The following AQP7 variants were observed in gnomAD, a reference collection of about 807,000 sequenced individuals.
The protein encoded by AQP7 is aquaporin-7.
Under a neutral mutation model 26.1 loss-of-function variants are expected in AQP7, and 22 were observed. The ratio of observed to expected loss-of-function variants is 0.84; its 90% confidence interval spans 0.60 to 1.20. AQP7 has a LOEUF of 1.20. Among genes scored for constraint, AQP7 ranks in the 50% most tolerant of loss-of-function variants. The pLI is 0.00. For missense variants in AQP7, 412 were observed against 457.5 expected (o/e 0.90, Z 0.91); for synonymous variants, 167 against 181.7 (o/e 0.92, Z 0.65).
chr9:33,398,714 G>A (rs555181100), intron 2 of AQP7, among the ~76,000 whole-genome samples: 1 of 152,228 alleles, frequency 6.6e-6, no homozygotes, highest in East Asian at 1.9e-4. Flanking sequence ...TGGGTGGGAT[G>A]GCCAGTGAGG....
chr9:33,394,097 A>G (rs1306735378), intron 3 of AQP7: 1 of 152,214 alleles, frequency 6.6e-6, no homozygotes, highest in East Asian at 1.9e-4. Flanking sequence ...GTGTTTAACT[A>G]TCTCCTGGAT....
intron 1 of AQP7, chr9:33,401,780 C>T (rs1471151673): frequency 1.8e-5 from 3 of 165,574 alleles, no homozygotes; most frequent in Non-Finnish European, 2.6e-5. Flanking sequence ...CCCAAAAATT[C>T]CCCTTTGTAC....
chr9:33,399,037 A>T (rs1425333802), intron 2 of AQP7, among the ~76,000 whole-genome samples: 1 of 148,706 alleles, frequency 6.7e-6, no homozygotes, highest in Non-Finnish European at 1.5e-5. Flanking sequence ...GTGGTGGCAC[A>T]GTCACAGCTC....
intron 2 of AQP7, among the ~76,000 whole-genome samples, chr9:33,396,225 G>A (rs138917677): frequency 0.079 from 12,003 of 152,118 alleles, 608 homozygotes; most frequent in Admixed American, 0.11. Flanking sequence ...ATCACCTGAG[G>A]TCGGGAGTTC....
At chr9:33,399,905 G>A (rs1489959996) in intron 2 of AQP7, among the ~76,000 whole-genome samples, 1 of 152,158 alleles carries the variant, frequency 6.6e-6, no homozygotes, top group African/African-American at 2.4e-5. Flanking sequence ...ATTGGTGACT[G>A]GATGTGAGAC....
rs1134384 is a variant in AQP7, at chr9:33,383,273, A to G, written c.*1732T>C. 1 of 152,240 alleles carries G rather than the reference A, an allele frequency of 6.6e-6. No homozygotes were observed. Among genetic ancestry groups the G allele is most frequent in the Non-Finnish European group, 1.5e-5 (1 of 68,040 alleles). The allele number at this position is 152,240 out of a possible 1,614,324, so 9.4% of individuals were successfully genotyped here. ...TTATCGCCATTTTACAAATAAGAAGACCAAGGCCCAGAAGGGTTGAATATC... is the reference window on the plus strand; with the variant it reads ...TTATCGCCATTTTACAAATAAGAAGGCCAAGGCCCAGAAGGGTTGAATATC... On this transcript the variant is annotated 3_prime_UTR_variant, in exon 8 of 8. Transcript: ENST00000297988.
At chr9:33,386,825 G>A (rs775707462) in intron 4 of AQP7, 144 bp downstream of exon 4, 86 of 1,223,522 alleles carry the variant, frequency 7.0e-5, no homozygotes, top group East Asian at 2.0e-4. Context: ...TCATAGGCAC[G>A]GGGTTCAGAG....
rs1292642224 is a variant in AQP7 at position 33,383,318 on chromosome 9, T to G, written c.*1687A>C. 6.6e-6 allele frequency: 1 copy of G among 152,126 alleles called. No homozygotes were observed. The highest frequency in any genetic ancestry group is 1.9e-4 in the East Asian group (1 of 5,200). The allele number at this position is 152,126 out of a possible 1,614,324, so 9.4% of individuals were successfully genotyped here. ...AATATCTTGCTCAAGATCACACACATTTTGCCACCCCCCATTCCAAGTCCC... is the reference window on the plus strand; with the variant it reads ...AATATCTTGCTCAAGATCACACACAGTTTGCCACCCCCCATTCCAAGTCCC... On this transcript the variant is annotated 3_prime_UTR_variant, in exon 8 of 8. Coordinates refer to ENST00000297988, the MANE Select transcript of AQP7 (RefSeq NM_001170.3).
chr9:33,401,308 C>T, intron 1 of AQP7, 21 bp from the exon 2 acceptor site: 7 of 1,543,644 alleles, frequency 4.5e-6, no homozygotes, highest in Non-Finnish European at 5.3e-6. Flanking sequence ...AAAGAGAGGT[C>T]ACTAGGGCTG....
intron 3 of AQP7, among the ~76,000 whole-genome samples, chr9:33,390,027 C>CAAAAAAAAAA (rs778333672): frequency 5.1e-5 from 4 of 78,604 alleles, no homozygotes; most frequent in Admixed American, 1.4e-4. Flanking sequence ...GACTCCGTCT[C>CAAAAAAAAAA]AAAAAAAAAA....
rs148428903 is a variant in AQP7 at position 33,386,457 on chromosome 9, C to T, written c.353G>A (p.Gly118Glu). 1 of 1,611,676 alleles carries T rather than the reference C, an allele frequency of 6.2e-7. No individual in the cohort carries two copies. The highest frequency in any genetic ancestry group is 8.5e-7 in the Non-Finnish European group (1 of 1,179,092). The change falls in exon 5 of 8, where the codon GGG (glycine) becomes GAG (glutamate). Residue 118 changes from glycine to glutamate, a missense_variant. Transcript: ENST00000297988. The part of the protein sequence containing the change: ...PWRKFPVYVL[G>E]QFLGSFLAAA... ...CGCCAGGAAGGAGCCCAGGAACTGC[C>T]CCAGCACATAGACCGGAAACTTCCT...
chr9:33,397,817 A>G (rs919717361), intron 2 of AQP7, among the ~76,000 whole-genome samples: 1 of 152,152 alleles, frequency 6.6e-6, no homozygotes, highest in African/African-American at 2.4e-5. Context: ...AGCCAAGAAC[A>G]CCAAGAGAAT....
At chr9:33,393,636 G>A (rs368647763) in intron 3 of AQP7, among the ~76,000 whole-genome samples, 6 of 152,232 alleles carry the variant, frequency 3.9e-5, no homozygotes, top group Admixed American at 3.3e-4. Context: ...GCAGAGGCTC[G>A]CTGGGGTAAG....
intron 2 of AQP7, among the ~76,000 whole-genome samples, chr9:33,398,881 G>A (rs1234360091): frequency 3.3e-5 from 5 of 152,112 alleles, no homozygotes; most frequent in African/African-American, 1.2e-4. Context: ...CAAGAAACTG[G>A]CAGCCAACCA....
chr9:33,395,289 C>T (rs1242534065), intron 2 of AQP7, 94 bp from the exon 3 acceptor site: 7 of 1,079,552 alleles, frequency 6.5e-6, no homozygotes, highest in African/African-American at 1.6e-5. Context: ...TAATAGGTAA[C>T]CCAGCAGCCT....
At chr9:33,386,053 G>A (rs751681106) in intron 6 of AQP7, 24 bp downstream of exon 6, 28 of 1,611,984 alleles carry the variant, frequency 1.7e-5, no homozygotes, top group Non-Finnish European at 2.4e-5. Context: ...GCAGGGGGAG[G>A]GATACTCATC....
chr9:33,394,055 C>T (rs62544573), intron 3 of AQP7: 11,965 of 152,540 alleles, frequency 0.078, 617 homozygotes, highest in Admixed American at 0.11. Flanking sequence ...TCCTTCCAGA[C>T]CAAGCCTCTC....
At position 33,383,374 on chromosome 9, in the gene AQP7, T is replaced by G. The variant is rs1564161906; in HGVS notation, c.*1631A>C. The G allele has an allele frequency of 6.6e-6, 1 of 152,192 alleles. No individual in the cohort carries two copies. Among genetic ancestry groups the G allele is most frequent in the Non-Finnish European group, 1.5e-5 (1 of 68,040 alleles). 9.4% of individuals were successfully genotyped at this position (152,192 alleles called of 1,614,324 possible). On this transcript the variant is annotated 3_prime_UTR_variant, in exon 8 of 8. Coordinates refer to ENST00000297988, the MANE Select transcript of AQP7 (RefSeq NM_001170.3). The stretch of plus-strand genomic sequence containing the variant: ...CAACTCAGACTCAGCATGTCCATGA[T>G]GTAACTTATCTTCCTCTCCAAACCA...
At chr9:33,393,346 A>C (rs911569668) in intron 3 of AQP7, among the ~76,000 whole-genome samples, 1 of 152,266 alleles carries the variant, frequency 6.6e-6, no homozygotes, top group Non-Finnish European at 1.5e-5. Flanking sequence ...CTAATTCTAC[A>C]TGATATAAGT....
Sources: allele counts gnomAD v4.1 joint callset (sites outside exome capture counted in the v4.1 genomes callset), GRCh38; gene constraint gnomAD v4.1.1; transcripts MANE v1.5; gene names NCBI Gene and HGNC (gene_info 2026-07-23, HGNC 2026-07-21).